The following MTHFD2L variants were observed in gnomAD, a reference collection of about 807,000 sequenced individuals.
MTHFD2L encodes the protein bifunctional methylenetetrahydrofolate dehydrogenase/cyclohydrolase 2, mitochondrial.
A neutral mutation model predicts 34.9 loss-of-function variants in MTHFD2L; 29 were observed. The ratio of observed to expected loss-of-function variants is 0.83; its 90% CI spans 0.62 to 1.13. The LOEUF is 1.13. MTHFD2L is among the 50% of genes most tolerant of loss of function. The pLI is 0.00. For missense variants in MTHFD2L, 481 were observed against 446.5 expected, an observed-to-expected ratio of 1.08 and a Z score of -0.70; for synonymous variants, 167 against 155.7, an observed-to-expected ratio of 1.07 and a Z score of -0.54.
intron 6 of MTHFD2L, among the ~76,000 whole-genome samples, chr4:74,245,974 G>C (rs371781407): frequency 6.7e-6 from 1 of 148,508 alleles, no homozygotes; most frequent in African/African-American, 2.5e-5. Context: ...ATGATTTATA[G>C]TCCTTTGGGT....
intron 1 of MTHFD2L, among the ~76,000 whole-genome samples, chr4:74,133,948 G>A (rs1302223700): frequency 1.3e-5 from 2 of 152,150 alleles, no homozygotes; most frequent in Non-Finnish European, 2.9e-5. Context: ...GTACAGAGAA[G>A]TGGAAACATT....
At chr4:74,163,727 G>GT (rs1406523649) in intron 1 of MTHFD2L, among the ~76,000 whole-genome samples, 1 of 152,138 alleles carries the variant, frequency 6.6e-6, no homozygotes, top group Non-Finnish European at 1.5e-5. Flanking sequence ...ATTTTGCCCT[G>GT]TTTTTGGGGG....
At chr4:74,261,621 A>G (rs1744692167) in intron 6 of MTHFD2L, among the ~76,000 whole-genome samples, 1 of 152,100 alleles carries the variant, frequency 6.6e-6, no homozygotes, top group South Asian at 2.1e-4. Flanking sequence ...CCACAAAAGC[A>G]TTATCTTATA....
chr4:74,192,280 A>G (rs1732691224), intron 3 of MTHFD2L, among the ~76,000 whole-genome samples: 1 of 152,166 alleles, frequency 6.6e-6, no homozygotes, highest in Non-Finnish European at 1.5e-5. Flanking sequence ...AAAAAATTCA[A>G]ACATACAGGA....
intron 6 of MTHFD2L, among the ~76,000 whole-genome samples, chr4:74,279,072 T>G (rs967854183): frequency 2.0e-5 from 3 of 152,098 alleles, no homozygotes. Flanking sequence ...ATTAAGAAAT[T>G]ACCTATCGTT....
chr4:74,243,144 C>A (rs1468905726), intron 6 of MTHFD2L, among the ~76,000 whole-genome samples: 1 of 152,194 alleles, frequency 6.6e-6, no homozygotes, highest in Non-Finnish European at 1.5e-5. Context: ...AAGGATGTGG[C>A]CTCTCAGCTG....
chr4:74,293,084 T>G (rs1004438460), intron 7 of MTHFD2L, among the ~76,000 whole-genome samples: 1 of 152,146 alleles, frequency 6.6e-6, no homozygotes, highest in Non-Finnish European at 1.5e-5. Flanking sequence ...CTAGGGTACA[T>G]GTGCAGAACG....
At chr4:74,115,099 TA>T (rs968450025) in intron 2 of MTHFD2L, among the ~76,000 whole-genome samples, 4 of 152,162 alleles carry the variant, frequency 2.6e-5, no homozygotes, top group African/African-American at 4.8e-5. Context: ...ATGATGGTAT[TA>T]GGGGGAGGGC....
intron 6 of MTHFD2L, among the ~76,000 whole-genome samples, chr4:74,235,678 G>T (rs146342983): frequency 2.1e-3 from 321 of 152,226 alleles, no homozygotes; most frequent in African/African-American, 7.5e-3. Flanking sequence ...TCTTTGAAGT[G>T]TGTTGGTTGA....
At chr4:74,155,611 T>C (rs921143646), upstream of MTHFD2L, among the ~76,000 whole-genome samples, 1 of 152,068 alleles carries the variant, frequency 6.6e-6, no homozygotes, top group Non-Finnish European at 1.5e-5. Flanking sequence ...ATGTCAAACT[T>C]TAGGTAAAAC....
At chr4:74,281,366 CA>C in intron 6 of MTHFD2L, 58 bp from the exon 7 acceptor site, 1 of 1,309,378 alleles carries the variant, frequency 7.6e-7, no homozygotes, top group East Asian at 2.8e-5. Context: ...TAAAGCCTAC[CA>C]AAACAGATAT....
chr4:74,228,069 C>T (rs901613313), intron 6 of MTHFD2L, among the ~76,000 whole-genome samples: 1 of 152,102 alleles, frequency 6.6e-6, no homozygotes, highest in African/African-American at 2.4e-5. Context: ...GAAAAAAAAT[C>T]AGTAAGCTGG....
chr4:74,118,522 C>G (rs1286156760), upstream of MTHFD2L, among the ~76,000 whole-genome samples: 2 of 152,080 alleles, frequency 1.3e-5, no homozygotes, highest in African/African-American at 4.8e-5. Context: ...CTCAGTACAC[C>G]TCAGAATATA....
chr4:74,162,692 A>G (rs995819592), intron 1 of MTHFD2L, among the ~76,000 whole-genome samples: 1 of 152,180 alleles, frequency 6.6e-6, no homozygotes, highest in Admixed American at 6.5e-5. Flanking sequence ...CCTCACAACA[A>G]CTAAAGGAAG....
intron 6 of MTHFD2L, among the ~76,000 whole-genome samples, chr4:74,242,549 G>A (rs1741875650): frequency 6.6e-6 from 1 of 152,192 alleles, no homozygotes; most frequent in Admixed American, 6.5e-5. Flanking sequence ...GAGGCTTAAA[G>A]TGAATTGATT....
chr4:74,290,151 C>T (rs1033951524), intron 7 of MTHFD2L, among the ~76,000 whole-genome samples: 1 of 152,104 alleles, frequency 6.6e-6, no homozygotes, highest in African/African-American at 2.4e-5. Context: ...TATAAAGGGA[C>T]CTTTTAATTT....
chr4:74,210,390 T>G (rs763364322), intron 5 of MTHFD2L, among the ~76,000 whole-genome samples: 6 of 152,234 alleles, frequency 3.9e-5, no homozygotes, highest in Non-Finnish European at 7.3e-5. Flanking sequence ...AAGGTTCCAG[T>G]TTCAGTTTTC....
chr4:74,135,872 CAT>C (rs1431508976), intron 1 of MTHFD2L, among the ~76,000 whole-genome samples: 1 of 151,992 alleles, frequency 6.6e-6, no homozygotes, highest in African/African-American at 2.4e-5. Flanking sequence ...GAATGAGAAT[CAT>C]ATAATTATTT....
intron 1 of MTHFD2L, among the ~76,000 whole-genome samples, chr4:74,139,763 T>C (rs1350201528): frequency 6.6e-6 from 1 of 152,204 alleles, no homozygotes; most frequent in Non-Finnish European, 1.5e-5. Context: ...CCCCCAATTT[T>C]GACATGTTCT....
Sources: allele counts gnomAD v4.1 joint callset (sites outside exome capture counted in the v4.1 genomes callset), GRCh38; gene constraint gnomAD v4.1.1; transcripts MANE v1.5; gene names NCBI Gene and HGNC (gene_info 2026-07-23, HGNC 2026-07-21).